LPP: variants seen among roughly 807,000 people sequenced by gnomAD.
LPP encodes the protein LIM domain containing preferred translocation partner in lipoma.
In LPP, 38 loss-of-function variants were observed where a neutral mutation model predicts 60.4. The observed-to-expected ratio is 0.63, with a 90% CI of 0.49 to 0.83. The LOEUF (loss-of-function observed/expected upper bound fraction) is 0.83, where lower values mean the gene tolerates loss of function less well. LPP is among the 40% of genes least tolerant of loss of function. The pLI, the probability that LPP is intolerant of heterozygous loss-of-function variation, is 0.00. For synonymous variants in LPP, 328 were observed against 290.8 expected (o/e 1.13, Z -1.30); for missense variants, 902 against 783.6 (o/e 1.15, Z -1.80).
At chr3:188,318,948 C>CA (rs1756100210) in intron 2 of LPP, among the ~76,000 whole-genome samples, 1 of 150,820 alleles carries the variant, frequency 6.6e-6, no homozygotes, top group South Asian at 2.1e-4. Flanking sequence ...TTAGTAGAGA[C>CA]GGGGTTTCAC....
At chr3:188,499,561 C>T (rs1481510986) in intron 5 of LPP, among the ~76,000 whole-genome samples, 1 of 152,028 alleles carries the variant, frequency 6.6e-6, no homozygotes, top group Non-Finnish European at 1.5e-5. Flanking sequence ...ACCTTTGTTC[C>T]TTTTTACTCA....
chr3:188,249,914 C>A (rs1200592053), intron 2 of LPP, among the ~76,000 whole-genome samples: 1 of 127,488 alleles, frequency 7.8e-6, no homozygotes, highest in Non-Finnish European at 1.6e-5. Flanking sequence ...TTTTTTTTTT[C>A]CAGAAGTATT....
chr3:188,607,074 T>A (rs1437324986), intron 6 of LPP, among the ~76,000 whole-genome samples: 1 of 150,140 alleles, frequency 6.7e-6, no homozygotes, highest in Non-Finnish European at 1.5e-5. Context: ...AAAAGTAACT[T>A]TTTTTTTATA....
At chr3:188,246,681 T>C (rs1727069798) in intron 2 of LPP, among the ~76,000 whole-genome samples, 1 of 152,154 alleles carries the variant, frequency 6.6e-6, no homozygotes, top group South Asian at 2.1e-4. Context: ...ACCCACATTT[T>C]CCTACCATCT....
intron 4 of LPP, among the ~76,000 whole-genome samples, chr3:188,423,555 C>G (rs866267028): frequency 3.3e-5 from 5 of 152,186 alleles, no homozygotes; most frequent in Non-Finnish European, 7.3e-5. Context: ...AATTTACACT[C>G]CCACCAACAG....
At chr3:188,588,889 G>A (rs756511463) in intron 6 of LPP, among the ~76,000 whole-genome samples, 2 of 151,984 alleles carry the variant, frequency 1.3e-5, no homozygotes, top group Non-Finnish European at 2.9e-5. Flanking sequence ...GCCACCCTCT[G>A]CTTGCCAGAT....
chr3:188,258,007 A>G (rs576483261), intron 2 of LPP, among the ~76,000 whole-genome samples: 1 of 152,348 alleles, frequency 6.6e-6, no homozygotes, highest in South Asian at 2.1e-4. Context: ...AAGTAAAACC[A>G]GCGCTGAGCC....
intron 3 of LPP, among the ~76,000 whole-genome samples, chr3:188,368,589 C>T (rs544979138): frequency 6.6e-6 from 1 of 151,852 alleles, no homozygotes; most frequent in Admixed American, 6.6e-5. Context: ...TTTACCTGTT[C>T]AATGCCTCTT....
intron 4 of LPP, among the ~76,000 whole-genome samples, chr3:188,412,401 C>T (rs1392128305): frequency 1.3e-5 from 2 of 152,102 alleles, no homozygotes; most frequent in Admixed American, 6.6e-5. Flanking sequence ...TATTGGTATA[C>T]TCTTTTATAG....
chr3:188,524,929 T>G lies in LPP; in HGVS notation c.429+142T>G, dbSNP rs1469149237. 2.2e-4 allele frequency: 146 copies of G among 662,504 alleles called. 7 individuals carry two copies. Among genetic ancestry groups the G allele is most frequent in the South Asian group, 1.1e-3 (43 of 40,410 alleles). The allele number at this position is 662,504 out of a possible 1,614,324, so 41.0% of individuals were successfully genotyped here. A position where few individuals can be genotyped will look rare whatever the true frequency, so the allele number is the denominator to read the frequency against. ...CTTCCTTCCTTCCTTCCTTCCTTCC[T>G]TCCTTCCTTCCTTCCTTCCTCTCTC... On this transcript the variant is annotated intron_variant, in intron 6 of 11. Coordinates refer to ENST00000617246, the MANE Select transcript of LPP (RefSeq NM_001375462.1).
chr3:188,415,673 A>C (rs1381903849), intron 4 of LPP, among the ~76,000 whole-genome samples: 1 of 151,574 alleles, frequency 6.6e-6, no homozygotes, highest in East Asian at 1.9e-4. Context: ...TAATGAAAAA[A>C]CTGTCTCGAA....
rs1770402379 is a variant in LPP at position 188,884,256 on chromosome 3, G to T, written c.*9777G>T. 1 of 229,932 alleles carries T rather than the reference G, an allele frequency of 4.3e-6. No homozygotes were observed. Among genetic ancestry groups the T allele is most frequent in the Non-Finnish European group, 8.6e-6 (1 of 116,030 alleles). 14.2% of individuals were successfully genotyped at this position (229,932 alleles called of 1,614,324 possible). ...CATAGCTGGGAAGTGGCAGATTTGG[G>T]GATATAACCAGGTCTTGCAAGTCCA... On this transcript the variant is annotated 3_prime_UTR_variant, in exon 12 of 12. Coordinates refer to ENST00000617246, the MANE Select transcript of LPP (RefSeq NM_001375462.1).
intron 5 of LPP, among the ~76,000 whole-genome samples, chr3:188,500,216 A>G (rs1811428382): frequency 6.6e-6 from 1 of 150,982 alleles, no homozygotes; most frequent in African/African-American, 2.4e-5. Context: ...ATTGAGTATG[A>G]TTTTCTCTGT....
intron 2 of LPP, among the ~76,000 whole-genome samples, chr3:188,266,572 G>GAA (rs1735653365): frequency 6.6e-6 from 1 of 151,168 alleles, no homozygotes; most frequent in Non-Finnish European, 1.5e-5. Flanking sequence ...GAGAGAGAGA[G>GAA]AAAGGAAATC....
chr3:188,766,011 C>T (rs1253006726), intron 9 of LPP, among the ~76,000 whole-genome samples: 1 of 151,612 alleles, frequency 6.6e-6, no homozygotes, highest in Non-Finnish European at 1.5e-5. Flanking sequence ...GCTGGGATTA[C>T]AGGCGCCCAC....
At chr3:188,683,997 C>A (rs182425241) in intron 7 of LPP, among the ~76,000 whole-genome samples, 23 of 152,334 alleles carry the variant, frequency 1.5e-4, no homozygotes, top group Admixed American at 6.5e-5. Context: ...CAGGCTATAT[C>A]TTTACATGAA....
chr3:188,351,459 C>G (rs1036842825), intron 3 of LPP, among the ~76,000 whole-genome samples: 8 of 152,120 alleles, frequency 5.3e-5, no homozygotes, highest in Non-Finnish European at 1.2e-4. Flanking sequence ...CAGGCTCTGT[C>G]TGGAGTCCTT....
At chr3:188,378,769 T>C (rs998917851) in intron 3 of LPP, among the ~76,000 whole-genome samples, 5 of 152,118 alleles carry the variant, frequency 3.3e-5, no homozygotes, top group African/African-American at 1.2e-4. Context: ...GGTACCTCAG[T>C]TGGAAATGCA....
rs113990228 is a variant in LPP at position 188,783,343 on chromosome 3, G to A, written c.1410+23061G>A. On this transcript the variant is annotated intron_variant, in intron 9 of 11. Coordinates refer to ENST00000617246, the MANE Select transcript of LPP (RefSeq NM_001375462.1). Reference sequence around the variant, plus strand: ...CGACAGACTGGATAAAGAAAATGTGGTACATATACCCCACAGAATACTAAG... The same window carrying A: ...CGACAGACTGGATAAAGAAAATGTGATACATATACCCCACAGAATACTAAG... Among the ~76,000 whole-genome samples the A allele has an allele frequency of 3.8e-3, 581 of 152,170 alleles. 3 individuals are homozygous for A. The highest frequency in any genetic ancestry group is 7.3e-3 in the Admixed American group (111 of 15,278).
Sources: allele counts gnomAD v4.1 joint callset (sites outside exome capture counted in the v4.1 genomes callset), GRCh38; gene constraint gnomAD v4.1.1; transcripts MANE v1.5; gene names NCBI Gene and HGNC (gene_info 2026-07-23, HGNC 2026-07-21).